CDKAL1: variants seen among roughly 807,000 people sequenced by gnomAD.
CDKAL1 encodes the protein threonylcarbamoyladenosine tRNA methylthiotransferase.
CDKAL1 carries 32 observed loss-of-function variants against 68.2 expected under a neutral mutation model. That is an observed-to-expected ratio of 0.47 (90% confidence interval 0.35 to 0.63). The LOEUF (loss-of-function observed/expected upper bound fraction) is 0.63, where lower values mean the gene tolerates loss of function less well. Ranked by LOEUF, CDKAL1 falls within the 30% of genes least tolerant of loss-of-function variation. The probability of loss-of-function intolerance (pLI) is 0.00; values close to 1 mark genes in which losing one functional copy is unlikely to be tolerated. For missense variants in CDKAL1, 606 were observed against 696.7 expected, an observed-to-expected ratio of 0.87 and a Z score of 1.47; for synonymous variants, 234 against 244.3, an observed-to-expected ratio of 0.96 and a Z score of 0.39.
intron 8 of CDKAL1, among the ~76,000 whole-genome samples, chr6:20,804,365 G>T (rs1776481351): frequency 6.6e-6 from 1 of 152,212 alleles, no homozygotes; most frequent in Admixed American, 6.5e-5. Context: ...CTGGGACTAA[G>T]AATACAGGTG....
At chr6:20,853,402 C>CA (rs869195000) in intron 9 of CDKAL1, among the ~76,000 whole-genome samples, 5,608 of 34,326 alleles carry the variant, frequency 0.16, 388 homozygotes, top group African/African-American at 0.23. Flanking sequence ...AAAAAAAAAA[C>CA]AAAAAAAAAA....
intron 10 of CDKAL1, among the ~76,000 whole-genome samples, chr6:20,965,351 G>C (rs916055073): frequency 7.1e-6 from 1 of 141,738 alleles, no homozygotes; most frequent in Non-Finnish European, 1.5e-5. Flanking sequence ...GGAGGGAAGA[G>C]GGAAGACTGT....
intron 5 of CDKAL1, among the ~76,000 whole-genome samples, chr6:20,713,475 A>G (rs1040558): frequency 0.2 from 30,218 of 152,114 alleles, 3,235 homozygotes; most frequent in East Asian, 0.48. Context: ...CATAGACATC[A>G]TATTAGGAGA....
chr6:20,738,486 T>TG, intron 5 of CDKAL1, among the ~76,000 whole-genome samples: 1 of 63,312 alleles, frequency 1.6e-5, no homozygotes, highest in African/African-American at 7.7e-5. Context: ...TACTTCTTAG[T>TG]TTTTTTTTTT....
chr6:20,784,412 C>CTTTCTTTT (rs1775572357), intron 8 of CDKAL1, among the ~76,000 whole-genome samples: 2 of 33,492 alleles, frequency 6.0e-5, no homozygotes, highest in African/African-American at 2.3e-4. Context: ...TATTTTATTT[C>CTTTCTTTT]TTTTTTTTTT....
chr6:20,729,912 T>C (rs1208569982), intron 5 of CDKAL1, among the ~76,000 whole-genome samples: 2 of 152,244 alleles, frequency 1.3e-5, no homozygotes, highest in African/African-American at 2.4e-5. Context: ...CCAGGCATAC[T>C]CTAAGCCTGG....
intron 13 of CDKAL1, among the ~76,000 whole-genome samples, chr6:21,174,525 C>G (rs562515251): frequency 6.6e-6 from 1 of 152,198 alleles, no homozygotes; most frequent in Admixed American, 6.5e-5. Context: ...GAAAAGAATT[C>G]CCTCTCAATA....
intron 9 of CDKAL1, among the ~76,000 whole-genome samples, chr6:20,869,129 C>T (rs909348541): frequency 6.6e-6 from 1 of 152,140 alleles, no homozygotes; most frequent in Non-Finnish European, 1.5e-5. Context: ...TATCTCATCT[C>T]ATTTTAGTTG....
intron 12 of CDKAL1, among the ~76,000 whole-genome samples, chr6:21,083,500 T>C (rs1272019437): frequency 2.6e-5 from 4 of 152,216 alleles, no homozygotes; most frequent in Non-Finnish European, 4.4e-5. Context: ...AATTTCAGAA[T>C]GGGTTACAGA....
chr6:20,980,328 C>T lies in CDKAL1; in HGVS notation c.910-19899C>T, dbSNP rs554524708. On this transcript the variant is annotated intron_variant, in intron 10 of 15. Transcript: ENST00000274695. The stretch of plus-strand genomic sequence containing the variant: ...TCTCGGCTCACTGCAAGCTCCGCCT[C>T]CCAGGTTCACGCCATTCTCCTGCCT... Among the ~76,000 whole-genome samples, 11 of 152,154 alleles carry T rather than the reference C, an allele frequency of 7.2e-5. No individual in the cohort carries two copies. In the South Asian group the frequency reaches 2.3e-3, roughly 32 times the overall value.
At chr6:20,975,425 C>T (rs1345897754) in intron 10 of CDKAL1, among the ~76,000 whole-genome samples, 2 of 152,088 alleles carry the variant, frequency 1.3e-5, no homozygotes, top group Non-Finnish European at 2.9e-5. Flanking sequence ...ATTGATGTTA[C>T]TAATAATTCT....
chr6:21,076,892 C>T (rs1772101539), intron 12 of CDKAL1, among the ~76,000 whole-genome samples: 1 of 152,042 alleles, frequency 6.6e-6, no homozygotes, highest in Non-Finnish European at 1.5e-5. Flanking sequence ...TTTTAGCCTG[C>T]CCATAATTTT....
intron 9 of CDKAL1, among the ~76,000 whole-genome samples, chr6:20,937,006 T>C (rs1056202228): frequency 1.3e-5 from 2 of 152,242 alleles, no homozygotes; most frequent in African/African-American, 4.8e-5. Context: ...GCTTTTATTG[T>C]ATAAAAATCC....
At chr6:20,935,033 C>G (rs376204056) in intron 9 of CDKAL1, among the ~76,000 whole-genome samples, 1 of 151,322 alleles carries the variant, frequency 6.6e-6, no homozygotes, top group Non-Finnish European at 1.5e-5. Flanking sequence ...GTATCTGGGA[C>G]TACAGGCACG....
chr6:20,709,556 G>GAGC (rs1208942711), intron 5 of CDKAL1, among the ~76,000 whole-genome samples: 2 of 152,042 alleles, frequency 1.3e-5, no homozygotes, highest in Non-Finnish European at 2.9e-5. Context: ...CCCTAGACTC[G>GAGC]ATTTTACTAC....
At chr6:21,137,277 T>C (rs1019704211) in intron 13 of CDKAL1, among the ~76,000 whole-genome samples, 4 of 152,218 alleles carry the variant, frequency 2.6e-5, no homozygotes, top group South Asian at 2.1e-4. Context: ...GTTAAAGATA[T>C]TGTTCTTGGT....
chr6:20,968,049 A>G (rs555394406), intron 10 of CDKAL1, among the ~76,000 whole-genome samples: 7 of 151,652 alleles, frequency 4.6e-5, no homozygotes, highest in African/African-American at 7.3e-5. Context: ...TTGACTTTCA[A>G]CTGTTTGATT....
intron 12 of CDKAL1, among the ~76,000 whole-genome samples, chr6:21,098,712 C>T (rs1283273316): frequency 1.3e-5 from 2 of 151,930 alleles, no homozygotes; most frequent in Non-Finnish European, 2.9e-5. Context: ...TGAGTGGGTT[C>T]TTTCTGTTTG....
chr6:21,019,955 T>C (rs1426097236), intron 11 of CDKAL1, among the ~76,000 whole-genome samples: 1 of 152,098 alleles, frequency 6.6e-6, no homozygotes, highest in Non-Finnish European at 1.5e-5. Flanking sequence ...TGTTATCCAA[T>C]AAGTATTTTA....
Sources: allele counts gnomAD v4.1 joint callset (sites outside exome capture counted in the v4.1 genomes callset), GRCh38; gene constraint gnomAD v4.1.1; transcripts MANE v1.5; gene names NCBI Gene and HGNC (gene_info 2026-07-23, HGNC 2026-07-21).